The following ARMH4 variants were observed in gnomAD, a reference collection of about 807,000 sequenced individuals.
The protein encoded by ARMH4 is armadillo-like helical domain-containing protein 4.
ARMH4 carries 49 observed loss-of-function variants against 61.9 expected under a neutral mutation model. The observed-to-expected ratio is 0.79, with a 90% confidence interval of 0.63 to 1.00. The LOEUF (loss-of-function observed/expected upper bound fraction) is 1.00. Ranked by LOEUF, ARMH4 falls within the 50% of genes least tolerant of loss-of-function variation. The pLI is 0.00. For missense variants in ARMH4, 934 were observed against 930.0 expected (o/e 1.00, Z -0.06); for synonymous variants, 368 against 341.5 (o/e 1.08, Z -0.85).
intron 4 of ARMH4, among the ~76,000 whole-genome samples, chr14:58,118,334 A>G (rs1327373473): frequency 6.6e-6 from 1 of 152,278 alleles, no homozygotes; most frequent in East Asian, 1.9e-4. Context: ...TGGCATGTAC[A>G]TGGTATTAAT....
intron 4 of ARMH4, among the ~76,000 whole-genome samples, chr14:58,099,498 G>T (rs545410112): frequency 6.6e-6 from 1 of 152,126 alleles, no homozygotes; most frequent in African/African-American, 2.4e-5. Context: ...GGGCACGGGG[G>T]ACCTTGACAA....
intron 5 of ARMH4, among the ~76,000 whole-genome samples, chr14:58,063,113 C>G (rs965949404): frequency 6.6e-6 from 1 of 152,156 alleles, no homozygotes. Context: ...CTTCCTGGCT[C>G]TGGCAGCTCC....
rs1887430324 is a variant in ARMH4 at position 58,139,008 on chromosome 14, T to C, written c.351A>G (p.Ser117=). Residue 117 remains serine, a synonymous_variant, in exon 2 of 8, where the codon TCA becomes TCG. Transcript: ENST00000267485. ...ERPGVSTPTE[S]GVPSAEEVFG... ...ATACTTCTTCAGCTGAGGGGACACC[T>C]GACTCAGTAGGTGTGGAAACACCAG... is the stretch of plus-strand genomic sequence containing the variant. The C allele has an allele frequency of 1.9e-6, 3 of 1,614,134 alleles. No individual in the cohort carries two copies. The highest frequency in any genetic ancestry group is 2.5e-6 in the Non-Finnish European group (3 of 1,180,048).
chr14:58,095,738 C>T (rs1292205893), intron 5 of ARMH4, among the ~76,000 whole-genome samples: 3 of 152,154 alleles, frequency 2.0e-5, no homozygotes, highest in Non-Finnish European at 4.4e-5. Context: ...CTATAGAGTG[C>T]AACTCCCAGA....
intron 1 of ARMH4, among the ~76,000 whole-genome samples, chr14:58,149,471 T>C (rs1188272507): frequency 6.6e-6 from 1 of 152,180 alleles, no homozygotes; most frequent in Non-Finnish European, 1.5e-5. Flanking sequence ...AGAGGGTAAG[T>C]AGGCTGGGGT....
At chr14:58,115,167 G>A (rs1886477500) in intron 4 of ARMH4, among the ~76,000 whole-genome samples, 1 of 152,092 alleles carries the variant, frequency 6.6e-6, no homozygotes, top group African/African-American at 2.4e-5. Flanking sequence ...CCAACAGAAT[G>A]GGAGAAAATA....
Position 58,133,277 on chromosome 14 carries a change from T to C in ARMH4, c.1434A>G (p.Thr478=), listed in dbSNP as rs1369794074. 1.9e-6 allele frequency: 3 copies of C among 1,614,106 alleles called. No individual in the cohort carries two copies. Among genetic ancestry groups the C allele is most frequent in the East Asian group, 4.5e-5 (2 of 44,868 alleles). ...QEPDATLSMV[T]QEQVATLELI... ...GCTCGAGGGTAGCAACCTGCTCTTG[T>C]GTCACCATGGATAAAGTGGCATCTG... is the stretch of plus-strand genomic sequence containing the variant. Residue 478 remains threonine (T), a synonymous_variant, in exon 3 of 8, where the codon ACA becomes ACG. Transcript: ENST00000267485.
intron 5 of ARMH4, among the ~76,000 whole-genome samples, chr14:58,032,476 T>C (rs1883281626): frequency 3.3e-5 from 5 of 152,178 alleles, no homozygotes; most frequent in African/African-American, 1.2e-4. Context: ...GAACACTATT[T>C]ATAAATGCAT....
At chr14:58,073,657 G>A (rs1026918359) in intron 5 of ARMH4, among the ~76,000 whole-genome samples, 1 of 152,142 alleles carries the variant, frequency 6.6e-6, no homozygotes, top group Non-Finnish European at 1.5e-5. Context: ...TTTGTTCAAC[G>A]TATGCTCAGA....
chr14:58,039,062 A>T (rs1883590648), intron 5 of ARMH4, among the ~76,000 whole-genome samples: 1 of 152,172 alleles, frequency 6.6e-6, no homozygotes, highest in Non-Finnish European at 1.5e-5. Flanking sequence ...GCTCCCAGGC[A>T]ATGTCTGAGC....
intron 5 of ARMH4, among the ~76,000 whole-genome samples, chr14:58,080,258 T>C (rs1885178093): frequency 6.6e-6 from 1 of 152,060 alleles, no homozygotes; most frequent in Non-Finnish European, 1.5e-5. Context: ...GCCTACCAAG[T>C]AGCTGGGACT....
chr14:58,138,396 ACTCTCTAATTTG>A lies in ARMH4; in HGVS notation c.951_962del (p.Lys318_Ser321del), dbSNP rs760602694. ...GCTTGGGGGTCCTTATCCGGCTTAC[ACTCTCTAATTTG>A]GTGTCATCCCACTCATCACTTAAGG... On this transcript the variant is annotated inframe_deletion, in exon 2 of 8. Coordinates refer to ENST00000267485, the MANE Select transcript of ARMH4 (RefSeq NM_001001872.4). 1.7e-5 allele frequency: 27 copies of A among 1,613,906 alleles called. No individual in the cohort carries two copies. The African/African-American group carries it at 3.6e-4, about 22-fold the overall frequency.
intron 4 of ARMH4, among the ~76,000 whole-genome samples, chr14:58,125,035 T>C (rs1290949821): frequency 2.0e-5 from 3 of 152,100 alleles, no homozygotes; most frequent in Admixed American, 2.0e-4. Flanking sequence ...AGGAAGTCTT[T>C]AGGAGATTAT....
intron 2 of ARMH4, among the ~76,000 whole-genome samples, chr14:58,137,559 C>T (rs1242873802): frequency 6.6e-6 from 1 of 152,010 alleles, no homozygotes; most frequent in Non-Finnish European, 1.5e-5. Flanking sequence ...CTACCACACC[C>T]AGCTAATTTT....
intron 5 of ARMH4, among the ~76,000 whole-genome samples, chr14:58,094,452 T>A (rs998679927): frequency 5.3e-5 from 8 of 152,116 alleles, no homozygotes; most frequent in Admixed American, 3.9e-4. Context: ...TAACTGCTAT[T>A]AGCCAAAACA....
chr14:58,049,767 T>C (rs903858097), intron 5 of ARMH4, among the ~76,000 whole-genome samples: 3 of 152,174 alleles, frequency 2.0e-5, no homozygotes, highest in Admixed American at 1.3e-4. Context: ...TTACTGCTAC[T>C]GAAACTCAGG....
chr14:58,061,483 T>C (rs1173225829), intron 5 of ARMH4, among the ~76,000 whole-genome samples: 1 of 152,176 alleles, frequency 6.6e-6, no homozygotes, highest in Non-Finnish European at 1.5e-5. Context: ...ACACTGTAGC[T>C]TTCCATCAGA....
At chr14:58,061,478 G>A (rs1884529100) in intron 5 of ARMH4, among the ~76,000 whole-genome samples, 2 of 152,132 alleles carry the variant, frequency 1.3e-5, no homozygotes, top group Admixed American at 1.3e-4. Flanking sequence ...GACTGACACT[G>A]TAGCTTTCCA....
At chr14:58,005,620 G>A (rs949008598) in intron 6 of ARMH4, among the ~76,000 whole-genome samples, 4 of 152,156 alleles carry the variant, frequency 2.6e-5, no homozygotes, top group Non-Finnish European at 5.9e-5. Context: ...TGTTTGCTGG[G>A]GGCTAAAAGG....
Sources: allele counts gnomAD v4.1 joint callset (sites outside exome capture counted in the v4.1 genomes callset), GRCh38; gene constraint gnomAD v4.1.1; transcripts MANE v1.5; gene names NCBI Gene and HGNC (gene_info 2026-07-23, HGNC 2026-07-21).